The following PCDHGA2 variants were observed in gnomAD, a reference collection of about 807,000 sequenced individuals.
PCDHGA2 encodes the protein protocadherin gamma-A2.
In PCDHGA2, 40 loss-of-function variants were observed where a neutral mutation model predicts 59.2. The observed-to-expected ratio is 0.68, with a 90% CI of 0.52 to 0.88. PCDHGA2 has a LOEUF of 0.88. PCDHGA2 is among the 40% of genes least tolerant of loss of function. The pLI, the probability that PCDHGA2 is intolerant of heterozygous loss-of-function variation, is 0.00. For synonymous variants in PCDHGA2, 560 were observed against 526.0 expected, an observed-to-expected ratio of 1.06 and a Z score of -0.89; for missense variants, 1,226 against 1,204.0, an observed-to-expected ratio of 1.02 and a Z score of -0.27.
At chr5:141,400,174 G>T in intron 1 of PCDHGA2, 1 of 1,614,076 alleles carries the variant, frequency 6.2e-7, no homozygotes, top group Non-Finnish European at 8.5e-7. Context: ...CCCCCAGGCT[G>T]AGCTGCAGTT....
chr5:141,338,995 A>G lies in PCDHGA2; in HGVS notation c.24A>G (p.Pro8=), dbSNP rs1352757366. The G allele has an allele frequency of 6.5e-7, 1 of 1,547,780 alleles. No homozygotes were observed. Among genetic ancestry groups the G allele is most frequent in the East Asian group, 2.3e-5 (1 of 44,002 alleles). The change falls in exon 1 of 4, where the codon CCA becomes CCG. Residue 8 remains proline, a synonymous_variant. Coordinates refer to ENST00000394576, the MANE Select transcript of PCDHGA2 (RefSeq NM_018915.4). Reference sequence around the variant, plus strand: ...AAATGGCGGCTCTGCAAAAGTTGCCACACTGCAGAAAGCTGGTCCTGCTGT... The same window carrying G: ...AAATGGCGGCTCTGCAAAAGTTGCCGCACTGCAGAAAGCTGGTCCTGCTGT... MAALQKL[P]HCRKLVLLCF... is the part of the protein sequence containing the mutation.
chr5:141,480,217 G>A (rs1443825272), intron 1 of PCDHGA2, among the ~76,000 whole-genome samples: 2 of 147,950 alleles, frequency 1.4e-5, no homozygotes, highest in Non-Finnish European at 3.0e-5. Context: ...CAGCCTGAGC[G>A]ACATAGTGAG....
chr5:141,360,606 C>G, intron 1 of PCDHGA2: 1 of 1,613,962 alleles, frequency 6.2e-7, no homozygotes, highest in Middle Eastern at 1.6e-4. Flanking sequence ...TTGACCCAGC[C>G]CTGGATTCAG....
At chr5:141,363,656 A>C (rs1763020293) in intron 1 of PCDHGA2, among the ~76,000 whole-genome samples, 1 of 152,232 alleles carries the variant, frequency 6.6e-6, no homozygotes, top group African/African-American at 2.4e-5. Context: ...AAAGATCTTT[A>C]TTTCTTCTGC....
chr5:141,442,485 G>A (rs1000683527), intron 1 of PCDHGA2: 2 of 152,248 alleles, frequency 1.3e-5, no homozygotes, highest in Non-Finnish European at 2.9e-5. Flanking sequence ...TGGGGAAGGG[G>A]ATGATTGTGA....
chr5:141,390,837 T>C (rs1299248607), intron 1 of PCDHGA2: 1 of 163,140 alleles, frequency 6.1e-6, no homozygotes. Flanking sequence ...ATGGACCCCT[T>C]GTGATTATAT....
chr5:141,357,987 C>T (rs921164860), intron 1 of PCDHGA2, among the ~76,000 whole-genome samples: 3 of 152,080 alleles, frequency 2.0e-5, no homozygotes, highest in African/African-American at 7.2e-5. Flanking sequence ...CTCAGGAGTT[C>T]GAGACCAGTC....
At position 141,374,455 on chromosome 5, in the gene PCDHGA2, G is replaced by A. The variant is rs772470084; in HGVS notation, c.2424+33060G>A. 3.7e-6 allele frequency: 6 copies of A among 1,613,610 alleles called. No homozygotes were observed. In the South Asian group the frequency reaches 5.5e-5, roughly 15 times the overall value. The stretch of plus-strand genomic sequence containing the variant: ...TTTATCCCGTGGAAGTGGAAATAGT[G>A]GACATTAATGACAATACACCCCGAT... On this transcript the variant is annotated intron_variant, in intron 1 of 3. Coordinates refer to ENST00000394576, the MANE Select transcript of PCDHGA2 (RefSeq NM_018915.4).
chr5:141,366,106 A>T, intron 1 of PCDHGA2: 1 of 1,614,224 alleles, frequency 6.2e-7, no homozygotes, highest in Non-Finnish European at 8.5e-7. Context: ...CCAAGGTGGT[A>T]GCGGTGGACA....
chr5:141,437,762 A>G (rs1286042187), intron 1 of PCDHGA2, among the ~76,000 whole-genome samples: 1 of 149,476 alleles, frequency 6.7e-6, no homozygotes, highest in African/African-American at 2.5e-5. Context: ...TTTTTGAGAC[A>G]GAGTCTCAAT....
Position 141,477,140 on chromosome 5 carries a change from G to GT in PCDHGA2, c.2425-17665dup. ...AGCACATTGCAAAGTGTTGGTGGAG[G>GT]TTGTGGATGTGAATGACAACGCCCC... On this transcript the variant is annotated intron_variant, in intron 1 of 3. Transcript: ENST00000394576. The surrounding 1 kb of genome is among the most constrained non-coding windows in gnomAD (Gnocchi z 4.9). 1 of 1,614,220 alleles carries GT rather than the reference G, an allele frequency of 6.2e-7. No homozygotes were observed. Among genetic ancestry groups the GT allele is most frequent in the Non-Finnish European group, 8.5e-7 (1 of 1,180,048 alleles).
intron 1 of PCDHGA2, chr5:141,370,361 T>G (rs747397059): frequency 1.4e-5 from 22 of 1,517,974 alleles, no homozygotes; most frequent in Non-Finnish European, 1.7e-5. Context: ...TCTCCTCTCC[T>G]CGGATTTAGA....
rs776079289 is a variant in PCDHGA2 at position 141,423,264 on chromosome 5, CGAGTCTCT to C, written c.2425-71541_2425-71534del. The C allele has an allele frequency of 9.8e-5, 158 of 1,613,986 alleles. 1 individual carries two copies. The African/African-American group carries it at 1.9e-3, about 20-fold the overall frequency. ...AAGTCCTGGCGGACCTCGGCAGCCT[CGAGTCTCT>C]GGCTAACTCTGAAACCTCAGACCTC... On this transcript the variant is annotated intron_variant, in intron 1 of 3. Transcript: ENST00000394576.
In PCDHGA2 at chr5:141,413,451, C is replaced by T. The variant is rs1561742650; in HGVS notation, c.2424+72056C>T. 6.2e-6 allele frequency: 10 copies of T among 1,614,118 alleles called. No homozygotes were observed. The South Asian group carries it at 1.1e-4, about 18-fold the overall frequency. ...GCAGCGGCAGCTTGATCACCGCGGGCAGGATAGACCGGGAGGAGCTCTGCG... is the reference window on the plus strand; with the variant it reads ...GCAGCGGCAGCTTGATCACCGCGGGTAGGATAGACCGGGAGGAGCTCTGCG... On this transcript the variant is annotated intron_variant, in intron 1 of 3. Transcript: ENST00000394576.
At chr5:141,435,026 C>T (rs977017371) in intron 1 of PCDHGA2, among the ~76,000 whole-genome samples, 1 of 151,978 alleles carries the variant, frequency 6.6e-6, no homozygotes, top group Non-Finnish European at 1.5e-5. Flanking sequence ...GCTCTTTTCC[C>T]ACTTTTATTT....
chr5:141,368,520 A>G (rs886509819), intron 1 of PCDHGA2, among the ~76,000 whole-genome samples: 7 of 152,168 alleles, frequency 4.6e-5, no homozygotes, highest in Admixed American at 6.5e-5. Flanking sequence ...ATTCACTCCT[A>G]TGTGAAAACT....
chr5:141,404,648 G>C (rs1178706213), intron 1 of PCDHGA2: 1 of 1,614,148 alleles, frequency 6.2e-7, no homozygotes, highest in African/African-American at 1.3e-5. Flanking sequence ...CCTGTACCCT[G>C]CCCTCCCCAC....
In PCDHGA2 at chr5:141,352,156, C is replaced by T. The variant is rs772470884; in HGVS notation, c.2424+10761C>T. ...CAGCGCGTGCCTTGGGCGACAGGGACGCGGCCCGCCAGCGCCTGCTGGTCG... is the reference window on the plus strand; with the variant it reads ...CAGCGCGTGCCTTGGGCGACAGGGATGCGGCCCGCCAGCGCCTGCTGGTCG... On this transcript the variant is annotated intron_variant, in intron 1 of 3. Coordinates refer to ENST00000394576, the MANE Select transcript of PCDHGA2 (RefSeq NM_018915.4). 19 of 1,612,702 alleles carry T rather than the reference C, an allele frequency of 1.2e-5. No individual in the cohort carries two copies. The South Asian group carries it at 2.1e-4, about 18-fold the overall frequency.
chr5:141,350,480 GT>G lies in PCDHGA2; in HGVS notation c.2424+9087del, dbSNP rs1758487780. On this transcript the variant is annotated intron_variant, in intron 1 of 3. Coordinates refer to ENST00000394576, the MANE Select transcript of PCDHGA2 (RefSeq NM_018915.4). ...GGTTAGTGCAGAGGATTATTTCAAC[GT>G]TAGTTTGGAGAGCGGGGATTTGTTA... 6 of 1,614,016 alleles carry G rather than the reference GT, an allele frequency of 3.7e-6. No homozygotes were observed. In the East Asian group the frequency reaches 1.1e-4, roughly 30 times the overall value.
Sources: allele counts gnomAD v4.1 joint callset (sites outside exome capture counted in the v4.1 genomes callset), GRCh38; gene constraint gnomAD v4.1.1; non-coding constraint Gnocchi (gnomAD v3.1); transcripts MANE v1.5; gene names NCBI Gene and HGNC (gene_info 2026-07-23, HGNC 2026-07-21).